GNG12: variants seen among roughly 807,000 people sequenced by gnomAD.
GNG12 encodes G protein subunit gamma 12.
For synonymous variants in GNG12, 28 were observed against 29.7 expected (o/e 0.94, Z 0.19); for missense variants, 69 against 83.8 (o/e 0.82, Z 0.69).
intron 1 of GNG12, among the ~76,000 whole-genome samples, chr1:67,813,647 G>C (rs1313207240): frequency 1.3e-5 from 2 of 151,796 alleles, no homozygotes; most frequent in Non-Finnish European, 2.9e-5. Context: ...CACTGATCCC[G>C]CTATACCATA....
intron 2 of GNG12, among the ~76,000 whole-genome samples, chr1:67,741,716 T>C (rs1012783985): frequency 6.6e-6 from 1 of 152,258 alleles, no homozygotes; most frequent in African/African-American, 2.4e-5. Flanking sequence ...GGAAGTAAAG[T>C]CTAAGTCAAA....
intron 2 of GNG12, among the ~76,000 whole-genome samples, chr1:67,759,480 C>A (rs1031415930): frequency 1.3e-5 from 2 of 152,172 alleles, no homozygotes; most frequent in African/African-American, 4.8e-5. Flanking sequence ...TCACCCATTC[C>A]CTGTGTGACC....
Position 67,707,655 on chromosome 1 carries a change from A to G in GNG12, c.32T>C (p.Ile11Thr), listed in dbSNP as rs775977018. The stretch of plus-strand genomic sequence containing the variant: ...CTGCACAGTTCTCCTTGCCTGGGCT[A>G]TATTGTTGGTGCTTGCTGTTTTGCT... MSSKTASTNN[I>T]AQARRTVQQL... The change falls in exon 3 of 4, where the codon ATA (isoleucine) becomes ACA (threonine). Residue 11 changes from isoleucine to threonine, a missense_variant. By Grantham distance (89) the Ile-to-Thr change is moderately conservative. Transcript: ENST00000370982. 6.2e-7 allele frequency: 1 copy of G among 1,608,130 alleles called. No individual in the cohort carries two copies. The highest frequency in any genetic ancestry group is 8.5e-7 in the Non-Finnish European group (1 of 1,177,976).
chr1:67,833,321 C>A (rs961519385), intron 1 of GNG12, 23 bp downstream of exon 1: 3 of 942,202 alleles, frequency 3.2e-6, no homozygotes, highest in South Asian at 4.7e-5. Flanking sequence ...ACTCACCACC[C>A]GCGCCCGCCG....
chr1:67,804,918 G>A (rs1646886486), intron 1 of GNG12, among the ~76,000 whole-genome samples: 1 of 152,148 alleles, frequency 6.6e-6, no homozygotes, highest in Non-Finnish European at 1.5e-5. Context: ...ATCCCCTCAT[G>A]CTTCCAGCAG....
chr1:67,818,365 TG>T (rs1371132614), intron 1 of GNG12, among the ~76,000 whole-genome samples: 2 of 143,258 alleles, frequency 1.4e-5, no homozygotes, highest in Non-Finnish European at 3.0e-5. Context: ...AGTGGGTGTG[TG>T]GGGACACAGA....
At chr1:67,737,203 CTACT>C (rs1646457170) in intron 2 of GNG12, among the ~76,000 whole-genome samples, 1 of 152,176 alleles carries the variant, frequency 6.6e-6, no homozygotes. Context: ...CCTTCTTGGG[CTACT>C]TAGTCTTTTG....
chr1:67,800,951 C>T (rs1470523584), intron 1 of GNG12, among the ~76,000 whole-genome samples: 3 of 151,802 alleles, frequency 2.0e-5, no homozygotes, highest in Non-Finnish European at 4.4e-5. Context: ...ACAAATGTAA[C>T]TTCATATTAT....
At chr1:67,789,311 G>C (rs1179335621) in intron 1 of GNG12, among the ~76,000 whole-genome samples, 1 of 152,016 alleles carries the variant, frequency 6.6e-6, no homozygotes, top group Non-Finnish European at 1.5e-5. Flanking sequence ...ATCTTTTTCA[G>C]AAAAAAACAA....
chr1:67,764,513 T>A (rs551363901), intron 2 of GNG12, among the ~76,000 whole-genome samples: 2 of 152,274 alleles, frequency 1.3e-5, no homozygotes, highest in South Asian at 4.1e-4. Flanking sequence ...GAAAATGCTC[T>A]GAAATTAGAG....
intron 2 of GNG12, among the ~76,000 whole-genome samples, chr1:67,744,034 A>T (rs1646495988): frequency 6.6e-6 from 1 of 152,196 alleles, no homozygotes; most frequent in Non-Finnish European, 1.5e-5. Flanking sequence ...CTCAAAGGGC[A>T]TTGCTTGAGT....
intron 1 of GNG12, among the ~76,000 whole-genome samples, chr1:67,809,154 G>A (rs1362418950): frequency 6.6e-6 from 1 of 152,118 alleles, no homozygotes; most frequent in Non-Finnish European, 1.5e-5. Flanking sequence ...CTTTGACAAA[G>A]AAGCAAAGGT....
intron 1 of GNG12, among the ~76,000 whole-genome samples, chr1:67,794,677 A>C (rs563224493): frequency 6.6e-6 from 1 of 152,372 alleles, no homozygotes; most frequent in South Asian, 2.1e-4. Flanking sequence ...GATATATATA[A>C]GATGACAAAA....
At chr1:67,800,459 A>G (rs142902597) in intron 1 of GNG12, among the ~76,000 whole-genome samples, 2 of 152,192 alleles carry the variant, frequency 1.3e-5, no homozygotes, top group Non-Finnish European at 2.9e-5. Flanking sequence ...GAATAATCAG[A>G]GCTTGTCAGA....
At chr1:67,740,283 C>T (rs925386729) in intron 2 of GNG12, among the ~76,000 whole-genome samples, 1 of 152,208 alleles carries the variant, frequency 6.6e-6, no homozygotes. Context: ...ACTATAAAAA[C>T]AATTAAAAAT....
At chr1:67,719,484 C>T (rs915726089) in intron 2 of GNG12, among the ~76,000 whole-genome samples, 3 of 151,872 alleles carry the variant, frequency 2.0e-5, no homozygotes, top group African/African-American at 4.8e-5. Flanking sequence ...TTTTGTTTTC[C>T]GAAGGACAAG....
intron 2 of GNG12, among the ~76,000 whole-genome samples, chr1:67,757,194 T>G (rs1646574926): frequency 6.6e-6 from 1 of 152,208 alleles, no homozygotes; most frequent in Admixed American, 6.5e-5. Flanking sequence ...GAAGGTAATT[T>G]TATATACTTT....
At chr1:67,751,602 T>C (rs761787860) in intron 2 of GNG12, among the ~76,000 whole-genome samples, 1 of 152,160 alleles carries the variant, frequency 6.6e-6, no homozygotes, top group Non-Finnish European at 1.5e-5. Context: ...CAAAAGTACA[T>C]GCACACAAAT....
At chr1:67,713,362 G>A (rs770629733) in intron 2 of GNG12, among the ~76,000 whole-genome samples, 5 of 152,134 alleles carry the variant, frequency 3.3e-5, no homozygotes, top group South Asian at 4.1e-4. Flanking sequence ...CAAATACTTC[G>A]CATTGGTTTT....
Sources: gnomAD v4.1 joint callset for allele counts (sites outside exome capture counted in the v4.1 genomes callset) on GRCh38, gnomAD v4.1.1 for gene constraint, MANE v1.5 for transcripts, NCBI Gene and HGNC (gene_info 2026-07-23, HGNC 2026-07-21) for gene names.